The following MROH7 variants were observed in gnomAD, a reference collection of about 807,000 sequenced individuals.
The protein encoded by MROH7 is maestro heat like repeat family member 7.
MROH7 carries 113 observed loss-of-function variants against 129.2 expected under a neutral mutation model. That is an observed-to-expected ratio of 0.87 (90% confidence interval 0.75 to 1.02). The LOEUF (loss-of-function observed/expected upper bound fraction) is 1.02. Ranked by LOEUF, MROH7 falls within the 50% of genes least tolerant of loss-of-function variation. The probability of loss-of-function intolerance (pLI) is 0.00; values close to 1 mark genes in which losing one functional copy is unlikely to be tolerated. For synonymous variants in MROH7, 655 were observed against 667.9 expected (o/e 0.98, Z 0.30); for missense variants, 1,601 against 1,671.3 (o/e 0.96, Z 0.73).
At chr1:54,667,053 T>G (rs1405669468) in intron 4 of MROH7, among the ~76,000 whole-genome samples, 1 of 152,172 alleles carries the variant, frequency 6.6e-6, no homozygotes, top group Admixed American at 6.5e-5. Context: ...TCAACACATT[T>G]AATTGAGCCT....
rs571230983 is a variant in MROH7, at chr1:54,707,836, A to G, written c.3668-1178A>G. 4.6e-5 allele frequency among the ~76,000 whole-genome samples: 7 copies of G among 152,256 alleles called. No homozygotes were observed. In the South Asian group the frequency reaches 1.5e-3, roughly 32 times the overall value. ...AAAATTATGAATACTTTCCTGAAAA[A>G]AATGCATATATGTATACAATTTTGC... On this transcript the variant is annotated intron_variant, in intron 22 of 23. Coordinates refer to ENST00000421030, the MANE Select transcript of MROH7 (RefSeq NM_001039464.4).
At chr1:54,696,285 C>T (rs2101189657) in intron 17 of MROH7, among the ~76,000 whole-genome samples, 1 of 152,232 alleles carries the variant, frequency 6.6e-6, no homozygotes, top group South Asian at 2.1e-4. Context: ...TAAAACCCTC[C>T]CCTTTCCTTT....
chr1:54,700,091 G>A (rs1167020838), intron 17 of MROH7: 27 of 698,244 alleles, frequency 3.9e-5, no homozygotes, highest in Non-Finnish European at 6.6e-5. Context: ...CATGGGAAAG[G>A]CAACAACAAG....
intron 22 of MROH7, 97 bp downstream of exon 22, chr1:54,706,634 G>A (rs1344139215): frequency 2.3e-6 from 2 of 879,788 alleles, no homozygotes; most frequent in Non-Finnish European, 3.7e-6. Flanking sequence ...CACCTGGGGG[G>A]ATGCTTCCCT....
chr1:54,662,392 C>T (rs184414136), intron 3 of MROH7, among the ~76,000 whole-genome samples: 1,800 of 151,280 alleles, frequency 0.012, 80 homozygotes, highest in Admixed American at 0.088. Flanking sequence ...AAAAATTAGC[C>T]GGGCATGGTG....
Position 54,670,881 on chromosome 1 carries a change from C to T in MROH7, c.1551C>T (p.Ser517=), listed in dbSNP as rs565211100. Residue 517 remains serine, a synonymous_variant, in exon 7 of 24, where the codon TCC becomes TCT. Transcript: ENST00000421030. ...VCVHSVFSLP[S]VQAMQEKDEA... is the part of the protein sequence containing the mutation. ...TGCACAGCGTGTTCTCCCTGCCCTC[C>T]GTGCAGGCGATGCAGGAGAAGGACG... is the stretch of plus-strand genomic sequence containing the variant. The T allele has an allele frequency of 1.5e-5, 24 of 1,612,618 alleles. No homozygotes were observed. Among genetic ancestry groups the T allele is most frequent in the Non-Finnish European group, 1.7e-5 (20 of 1,179,482 alleles).
At chr1:54,663,260 GT>G in intron 3 of MROH7, among the ~76,000 whole-genome samples, 1 of 151,916 alleles carries the variant, frequency 6.6e-6, no homozygotes. Flanking sequence ...GCTATAATCC[GT>G]TTTTTTCACA....
chr1:54,656,604 C>T (rs1445930428), intron 3 of MROH7, among the ~76,000 whole-genome samples: 5 of 151,556 alleles, frequency 3.3e-5, no homozygotes, highest in Middle Eastern at 3.2e-3. Flanking sequence ...GGGTGGATCA[C>T]CTGAGGTCAG....
chr1:54,697,869 C>T (rs1645347727), intron 17 of MROH7: 1 of 522,124 alleles, frequency 1.9e-6, no homozygotes, highest in African/African-American at 1.9e-5. Context: ...CTTGCCAGAC[C>T]TTATGGGGCA....
intron 15 of MROH7, among the ~76,000 whole-genome samples, chr1:54,689,348 C>T (rs1391304884): frequency 2.6e-5 from 4 of 152,178 alleles, no homozygotes; most frequent in African/African-American, 7.2e-5. Flanking sequence ...CAGAGGGCTG[C>T]GGCCCTGCTG....
At chr1:54,689,861 T>C (rs1445829422) in intron 15 of MROH7, among the ~76,000 whole-genome samples, 1 of 152,082 alleles carries the variant, frequency 6.6e-6, no homozygotes, top group Non-Finnish European at 1.5e-5. Flanking sequence ...AAATAAAAAA[T>C]TAGCCAGGTG....
Position 54,710,005 on chromosome 1 carries a change from C to A in MROH7, c.3790C>A (p.Gln1264Lys), listed in dbSNP as rs780611084. ...ASVCIYAAQV[Q>K]DHILASCWQN... ...AGTGTGCATCTACGCAGCCCAGGTCCAGGACCACATCCTGGCCAGCTGCTG... is the reference window on the plus strand; with the variant it reads ...AGTGTGCATCTACGCAGCCCAGGTCAAGGACCACATCCTGGCCAGCTGCTG... Residue 1264 changes from glutamine (Q) to lysine (K), a missense_variant, in exon 24 of 24, where the codon CAG (glutamine) becomes AAG (lysine). By Grantham distance (53) the Gln-to-Lys change is moderately conservative (BLOSUM62 1). Coordinates refer to ENST00000421030, the MANE Select transcript of MROH7 (RefSeq NM_001039464.4). 1 of 1,614,150 alleles carries A rather than the reference C, an allele frequency of 6.2e-7. No homozygotes were observed. Among genetic ancestry groups the A allele is most frequent in the Non-Finnish European group, 8.5e-7 (1 of 1,180,016 alleles).
intron 4 of MROH7, among the ~76,000 whole-genome samples, chr1:54,667,107 A>G (rs1001958824): frequency 2.1e-4 from 32 of 152,272 alleles, no homozygotes; most frequent in African/African-American, 7.7e-4. Context: ...GAATACAACA[A>G]TGGTGTGACC....
chr1:54,710,190 T>C lies in MROH7; in HGVS notation c.*3T>C. 1 of 1,609,956 alleles carries C rather than the reference T, an allele frequency of 6.2e-7. No individual in the cohort carries two copies. Among genetic ancestry groups the C allele is most frequent in the Non-Finnish European group, 8.5e-7 (1 of 1,179,210 alleles). On this transcript the variant is annotated 3_prime_UTR_variant, in exon 24 of 24. Transcript: ENST00000421030. Reference sequence around the variant, plus strand: ...GGAAGATGTCCTTGAAGAAGTGACGTCCCTGAGCCCCAAACCCTCCTCAGG... The same window carrying C: ...GGAAGATGTCCTTGAAGAAGTGACGCCCCTGAGCCCCAAACCCTCCTCAGG...
At chr1:54,687,830 G>T (rs1208135124) in intron 15 of MROH7, among the ~76,000 whole-genome samples, 2 of 151,072 alleles carry the variant, frequency 1.3e-5, no homozygotes, top group Non-Finnish European at 2.9e-5. Context: ...GTTTTAGTAT[G>T]CGTTTCTCTT....
intron 10 of MROH7, among the ~76,000 whole-genome samples, chr1:54,677,079 G>C (rs1053346093): frequency 7.2e-5 from 11 of 151,894 alleles, no homozygotes; most frequent in African/African-American, 2.7e-4. Context: ...GGGCGCAAGT[G>C]AACCATCTGC....
chr1:54,670,461 C>G (rs1182173580), intron 5 of MROH7, 36 bp from the exon 6 acceptor site: 1 of 1,598,730 alleles, frequency 6.3e-7, no homozygotes, highest in South Asian at 1.1e-5. Context: ...TGCAGTAGCC[C>G]TGTCCTCATC....
chr1:54,685,321 T>C (rs930485420), intron 14 of MROH7, among the ~76,000 whole-genome samples: 2 of 152,214 alleles, frequency 1.3e-5, no homozygotes, highest in Non-Finnish European at 2.9e-5. Context: ...GTGCCTGGCC[T>C]GCATGGAGTC....
At chr1:54,675,324 A>G (rs900585575) in intron 10 of MROH7, among the ~76,000 whole-genome samples, 16 of 152,212 alleles carry the variant, frequency 1.1e-4, no homozygotes, top group Non-Finnish European at 2.1e-4. Flanking sequence ...GTAAGAGCAT[A>G]TGTAAAGGTA....
Sources: allele counts gnomAD v4.1 joint callset (sites outside exome capture counted in the v4.1 genomes callset), GRCh38; gene constraint gnomAD v4.1.1; transcripts MANE v1.5; gene names NCBI Gene and HGNC (gene_info 2026-07-23, HGNC 2026-07-21).